The following MIER1 variants were observed in gnomAD, a reference collection of about 807,000 sequenced individuals.
The protein encoded by MIER1 is MIER1 transcriptional regulator.
A neutral mutation model predicts 75.7 loss-of-function variants in MIER1; 40 were observed. The observed-to-expected ratio is 0.53, with a 90% CI of 0.41 to 0.69. The LOEUF (loss-of-function observed/expected upper bound fraction) is 0.69. MIER1 is among the 30% of genes least tolerant of loss of function. The probability of loss-of-function intolerance (pLI) is 0.00; values close to 1 mark genes in which losing one functional copy is unlikely to be tolerated. For synonymous variants in MIER1, 213 were observed against 223.4 expected, an observed-to-expected ratio of 0.95 and a Z score of 0.42; for missense variants, 574 against 680.2, an observed-to-expected ratio of 0.84 and a Z score of 1.74.
At chr1:66,953,596 C>CTTT (rs56012776) in intron 4 of MIER1, among the ~76,000 whole-genome samples, 9 of 134,670 alleles carry the variant, frequency 6.7e-5, no homozygotes, top group African/African-American at 2.0e-4. Context: ...TTTTCTTTTC[C>CTTT]TTTTTTTTTT....
chr1:66,926,124 C>T lies in MIER1; in HGVS notation c.68-18C>T, dbSNP rs750873137. On this transcript the variant is annotated intron_variant, in intron 1 of 13. Transcript: ENST00000401041. ...TTTCTGTCTCCTTGCTACTGAGGCTCTCTTTCCTTTGATCCAGATGGTGTG... is the reference window on the plus strand; with the variant it reads ...TTTCTGTCTCCTTGCTACTGAGGCTTTCTTTCCTTTGATCCAGATGGTGTG... The T allele has an allele frequency of 5.6e-6, 9 of 1,605,760 alleles. No homozygotes were observed. In the East Asian group the frequency reaches 6.7e-5, roughly 12 times the overall value.
chr1:66,944,897 T>A (rs987320012), intron 3 of MIER1, among the ~76,000 whole-genome samples: 2 of 151,912 alleles, frequency 1.3e-5, no homozygotes, highest in African/African-American at 4.8e-5. Flanking sequence ...AGCTAATTTT[T>A]AAATTTTTTG....
intron 10 of MIER1, among the ~76,000 whole-genome samples, chr1:66,971,973 T>G (rs1015279228): frequency 9.2e-5 from 14 of 151,890 alleles, no homozygotes; most frequent in African/African-American, 3.1e-4. Flanking sequence ...TTATACTGCC[T>G]TATGCATTCA....
intron 3 of MIER1, among the ~76,000 whole-genome samples, chr1:66,944,609 A>G (rs1657048853): frequency 1.3e-5 from 2 of 151,870 alleles, no homozygotes; most frequent in Admixed American, 6.6e-5. Context: ...AATGCCTTTG[A>G]TAGGAGTTCT....
chr1:66,939,974 G>A, intron 2 of MIER1, 54 bp from the exon 3 acceptor site: 1 of 1,400,006 alleles, frequency 7.1e-7, no homozygotes, highest in South Asian at 1.2e-5. Context: ...GGTAATGTTT[G>A]TGAAGATACA....
At chr1:66,946,494 CAG>C in intron 4 of MIER1, 199 bp downstream of exon 4, 2 of 1,282,096 alleles carry the variant, frequency 1.6e-6, no homozygotes, top group Non-Finnish European at 2.0e-6. Context: ...TGTGCAATAA[CAG>C]AATTCACATA....
intron 2 of MIER1, among the ~76,000 whole-genome samples, chr1:66,935,233 A>G (rs1385465520): frequency 6.6e-6 from 1 of 152,202 alleles, no homozygotes. Flanking sequence ...GAAAAATATA[A>G]AAGAGAATTA....
intron 4 of MIER1, among the ~76,000 whole-genome samples, chr1:66,952,338 C>A (rs936775585): frequency 1.3e-5 from 2 of 152,146 alleles, no homozygotes; most frequent in African/African-American, 4.8e-5. Context: ...CTGACAGGCC[C>A]TGGTACAATA....
At chr1:66,951,328 T>C (rs1658889960) in intron 4 of MIER1, among the ~76,000 whole-genome samples, 1 of 152,124 alleles carries the variant, frequency 6.6e-6, no homozygotes, top group Non-Finnish European at 1.5e-5. Flanking sequence ...GGGGTCTTGC[T>C]CTGTTGCCCA....
chr1:66,977,151 C>T lies in MIER1; in HGVS notation c.1229+429C>T, dbSNP rs543127384. Among the ~76,000 whole-genome samples the T allele has an allele frequency of 4.0e-5, 6 of 151,814 alleles. No homozygotes were observed. The East Asian group carries it at 1.2e-3, about 29-fold the overall frequency. On this transcript the variant is annotated intron_variant, in intron 12 of 13. Coordinates refer to ENST00000401041, the MANE Select transcript of MIER1 (RefSeq NM_001077700.3). The stretch of plus-strand genomic sequence containing the variant: ...TGAGATGTAGTCTCAAATCTGTTGC[C>T]CAGGCTGGAATGCAGTGGTGCAATC...
intron 2 of MIER1, among the ~76,000 whole-genome samples, chr1:66,937,027 AAG>A (rs1655052105): frequency 6.6e-6 from 1 of 151,256 alleles, no homozygotes. Flanking sequence ...AAAAGAGAAA[AAG>A]AAAAAAGTGA....
chr1:66,943,653 C>A (rs1656782962), intron 3 of MIER1, among the ~76,000 whole-genome samples: 1 of 152,048 alleles, frequency 6.6e-6, no homozygotes, highest in Non-Finnish European at 1.5e-5. Flanking sequence ...CCCCTGAGCT[C>A]AAGCAGTCCT....
intron 4 of MIER1, among the ~76,000 whole-genome samples, chr1:66,949,402 A>G (rs1658407303): frequency 6.6e-6 from 1 of 152,140 alleles, no homozygotes; most frequent in Admixed American, 6.5e-5. Flanking sequence ...AGCCCCATAT[A>G]GTGCCTTAAA....
At chr1:66,969,009 G>C (rs1663005155) in intron 8 of MIER1, among the ~76,000 whole-genome samples, 1 of 152,116 alleles carries the variant, frequency 6.6e-6, no homozygotes, top group Admixed American at 6.5e-5. Context: ...GCTGAGCAGA[G>C]AATAGAAATC....
In MIER1 at chr1:66,978,402, A is replaced by C. The variant is rs118009286; in HGVS notation, c.1229+1680A>C. Among the ~76,000 whole-genome samples the C allele has an allele frequency of 7.2e-5, 11 of 152,306 alleles. No homozygotes were observed. The East Asian group carries it at 2.1e-3, about 29-fold the overall frequency. On this transcript the variant is annotated intron_variant, in intron 12 of 13. Transcript: ENST00000401041. Reference sequence around the variant, plus strand: ...ATTCACCCTTGGAAATCATGGGACAATGGAGTGTGTACATCATCCCCCATT... The same window carrying C: ...ATTCACCCTTGGAAATCATGGGACACTGGAGTGTGTACATCATCCCCCATT...
intron 12 of MIER1, among the ~76,000 whole-genome samples, chr1:66,978,127 C>T (rs1308076590): frequency 2.0e-5 from 3 of 149,214 alleles, no homozygotes; most frequent in South Asian, 2.1e-4. Context: ...ACCCAGGAGG[C>T]GGAGGTTGCA....
chr1:66,975,442 G>A (rs1043630836), intron 11 of MIER1, among the ~76,000 whole-genome samples: 1 of 151,986 alleles, frequency 6.6e-6, no homozygotes, highest in African/African-American at 2.4e-5. Context: ...CAGGAGGATT[G>A]CTTGAGCCTG....
chr1:66,946,701 T>C (rs1474911551), intron 4 of MIER1: 1 of 987,244 alleles, frequency 1.0e-6, no homozygotes, highest in African/African-American at 1.7e-5. Flanking sequence ...TGCTCTAGAT[T>C]ATCTCCACTA....
intron 8 of MIER1, among the ~76,000 whole-genome samples, chr1:66,968,189 G>T (rs1662814995): frequency 6.6e-6 from 1 of 152,100 alleles, no homozygotes; most frequent in African/African-American, 2.4e-5. Flanking sequence ...GAATGAGATT[G>T]CTTTGGAGGG....
Sources: gnomAD v4.1 joint callset for allele counts (sites outside exome capture counted in the v4.1 genomes callset) on GRCh38, gnomAD v4.1.1 for gene constraint, MANE v1.5 for transcripts, NCBI Gene and HGNC (gene_info 2026-07-23, HGNC 2026-07-21) for gene names.